TENM3: variants seen among roughly 807,000 people sequenced by gnomAD.
The protein encoded by TENM3 is teneurin transmembrane protein 3.
TENM3 carries 63 observed loss-of-function variants against 255.1 expected under a neutral mutation model. The ratio of observed to expected loss-of-function variants is 0.25; its 90% CI spans 0.20 to 0.30. The LOEUF (loss-of-function observed/expected upper bound fraction) is 0.30, where lower values mean the gene tolerates loss of function less well. Among genes scored for constraint, TENM3 ranks in the 10% least tolerant of loss-of-function variants. The pLI, the probability that TENM3 is intolerant of heterozygous loss-of-function variation, is 1.00. For synonymous variants in TENM3, 1,306 were observed against 1,322.3 expected (o/e 0.99, Z 0.27); for missense variants, 2,929 against 3,461.1 (o/e 0.85, Z 3.86).
At chr4:181,517,738 T>C in the TENM3 span, among the ~76,000 whole-genome samples, 14 of 152,234 alleles carry the variant, frequency 9.2e-5, no homozygotes, top group Admixed American at 7.8e-4. Context: ...CACGCTATCC[T>C]GTGTACCAAA....
At chr4:181,531,771 G>A in the TENM3 span, among the ~76,000 whole-genome samples, 2 of 152,194 alleles carry the variant, frequency 1.3e-5, no homozygotes, top group African/African-American at 4.8e-5. Context: ...GTGTGTACAC[G>A]GGACTGGGGA....
chr4:181,735,522 G>A, the TENM3 span, among the ~76,000 whole-genome samples: 7 of 152,120 alleles, frequency 4.6e-5, no homozygotes, highest in Middle Eastern at 3.4e-3. Context: ...TTAATATTCT[G>A]TCTTATAAAC....
chr4:182,626,827 G>A (rs1455077847), intron 4 of TENM3, among the ~76,000 whole-genome samples: 1 of 152,078 alleles, frequency 6.6e-6, no homozygotes, highest in African/African-American at 2.4e-5. Context: ...TTTTGTGTTT[G>A]ACAAAGCATT....
chr4:182,025,840 T>C, the TENM3 span, among the ~76,000 whole-genome samples: 14 of 152,312 alleles, frequency 9.2e-5, no homozygotes, highest in African/African-American at 3.1e-4. Flanking sequence ...ATTTTTTTTA[T>C]TATACTTTAA....
At chr4:181,916,812 G>A in the TENM3 span, among the ~76,000 whole-genome samples, 3 of 152,120 alleles carry the variant, frequency 2.0e-5, no homozygotes, top group South Asian at 2.1e-4. Context: ...GGGAGGCAGA[G>A]GTTGCAGTGG....
the TENM3 span, among the ~76,000 whole-genome samples, chr4:181,719,254 AATAT>A: frequency 6.7e-6 from 1 of 150,350 alleles, no homozygotes; most frequent in Admixed American, 6.6e-5. Flanking sequence ...TAAAAATGAA[AATAT>A]ATATATATAT....
In TENM3 at chr4:182,362,691, C is replaced by G. The variant is rs558249838; in HGVS notation, c.511+15762C>G. Among the ~76,000 whole-genome samples, 8 of 151,680 alleles carry G rather than the reference C, an allele frequency of 5.3e-5. No homozygotes were observed. The South Asian group carries it at 1.7e-3, about 31-fold the overall frequency. On this transcript the variant is annotated intron_variant, in intron 3 of 27. Transcript: ENST00000511685. The stretch of plus-strand genomic sequence containing the variant: ...TTGCACTTCCCGAGTGAGGCAATGC[C>G]TCGCCCTGCTTCGGCTCGCACACGG...
the TENM3 span, among the ~76,000 whole-genome samples, chr4:181,705,124 G>A: frequency 6.6e-6 from 1 of 151,814 alleles, no homozygotes; most frequent in African/African-American, 2.4e-5. Flanking sequence ...AGAGGGATGG[G>A]GAATGGTCAT....
intron 3 of TENM3, among the ~76,000 whole-genome samples, chr4:182,485,635 T>C (rs1165547097): frequency 1.5e-5 from 2 of 137,094 alleles, no homozygotes. Context: ...AGCAAAAAAG[T>C]GTGATGGAGT....
At chr4:181,715,794 G>A in the TENM3 span, among the ~76,000 whole-genome samples, 83 of 152,292 alleles carry the variant, frequency 5.5e-4, no homozygotes, top group East Asian at 0.014. Context: ...TATTGATGGC[G>A]CTGGCTTGGC....
chr4:181,879,064 C>G, the TENM3 span, among the ~76,000 whole-genome samples: 1 of 152,092 alleles, frequency 6.6e-6, no homozygotes, highest in African/African-American at 2.4e-5. Flanking sequence ...CATTGGGTAG[C>G]TCCATGATAC....
At chr4:182,239,054 TG>T (rs1757075820), upstream of TENM3, among the ~76,000 whole-genome samples, 1 of 150,652 alleles carries the variant, frequency 6.6e-6, no homozygotes. Context: ...TGTGTGTGTG[TG>T]TGTGTGTGTG....
At chr4:182,127,239 A>C in the TENM3 span, among the ~76,000 whole-genome samples, 46 of 152,320 alleles carry the variant, frequency 3.0e-4, 1 homozygote, top group South Asian at 9.3e-3. Flanking sequence ...CTAATGGATA[A>C]ATTTAAAAGC....
At chr4:181,610,206 A>T in the TENM3 span, among the ~76,000 whole-genome samples, 3 of 152,202 alleles carry the variant, frequency 2.0e-5, no homozygotes, top group Admixed American at 2.0e-4. Context: ...AGTTGTCTCT[A>T]CACACCCTGT....
chr4:182,658,203 T>C (rs541787884), intron 6 of TENM3, among the ~76,000 whole-genome samples: 2 of 152,350 alleles, frequency 1.3e-5, no homozygotes, highest in Admixed American at 6.5e-5. Context: ...ATAGTTAACC[T>C]ATCCCTCCTG....
the TENM3 span, among the ~76,000 whole-genome samples, chr4:181,642,551 G>A: frequency 1.3e-5 from 2 of 151,700 alleles, no homozygotes; most frequent in East Asian, 1.9e-4. Flanking sequence ...TGACCATGCC[G>A]ATGTCCTGAA....
At chr4:182,137,558 G>A in the TENM3 span, among the ~76,000 whole-genome samples, 2 of 152,146 alleles carry the variant, frequency 1.3e-5, no homozygotes, top group Non-Finnish European at 2.9e-5. Flanking sequence ...GAGGTCAGAC[G>A]GGGAAAACTG....
At chr4:182,385,025 G>A (rs1238423793) in intron 3 of TENM3, among the ~76,000 whole-genome samples, 1 of 152,128 alleles carries the variant, frequency 6.6e-6, no homozygotes, top group Non-Finnish European at 1.5e-5. Flanking sequence ...CATCAGTGCA[G>A]TAAACTGCTC....
At chr4:181,960,141 A>G in the TENM3 span, among the ~76,000 whole-genome samples, 1 of 152,238 alleles carries the variant, frequency 6.6e-6, no homozygotes, top group Non-Finnish European at 1.5e-5. Context: ...AGGAATTAAA[A>G]TGCAATTTGT....
Sources: allele counts gnomAD v4.1 joint callset (sites outside exome capture counted in the v4.1 genomes callset), GRCh38; gene constraint gnomAD v4.1.1; transcripts MANE v1.5; gene names NCBI Gene and HGNC (gene_info 2026-07-23, HGNC 2026-07-21).